SEC22A: variants seen among roughly 807,000 people sequenced by gnomAD.
The protein encoded by SEC22A is SEC22 homolog A, vesicle trafficking protein.
A neutral mutation model predicts 35.3 loss-of-function variants in SEC22A; 22 were observed. The observed-to-expected ratio is 0.62, with a 90% confidence interval of 0.45 to 0.89. The LOEUF (loss-of-function observed/expected upper bound fraction) is 0.89, where lower values mean the gene tolerates loss of function less well. SEC22A is among the 40% of genes least tolerant of loss of function. SEC22A has a pLI of 0.00. For synonymous variants in SEC22A, 119 were observed against 129.5 expected (o/e 0.92, Z 0.55); for missense variants, 354 against 362.5 (o/e 0.98, Z 0.19).
chr3:123,204,127 A>G (rs1292052780), intron 1 of SEC22A, among the ~76,000 whole-genome samples: 1 of 152,230 alleles, frequency 6.6e-6, no homozygotes, highest in Non-Finnish European at 1.5e-5. Flanking sequence ...AGATAATTTG[A>G]TAAGCAAATG....
chr3:123,223,972 AT>A (rs1937175912), intron 3 of SEC22A, among the ~76,000 whole-genome samples: 1 of 152,230 alleles, frequency 6.6e-6, no homozygotes, highest in Admixed American at 6.5e-5. Flanking sequence ...TCAATGAGAA[AT>A]TTATAAGCCA....
intron 5 of SEC22A, among the ~76,000 whole-genome samples, chr3:123,250,212 C>T (rs569859047): frequency 6.6e-6 from 1 of 152,176 alleles, no homozygotes; most frequent in East Asian, 2.0e-4. Flanking sequence ...GAGCTCGAGA[C>T]CATCCTGGCC....
chr3:123,223,613 A>C lies in SEC22A; in HGVS notation c.237A>C (p.Pro79=). 1.2e-6 allele frequency: 2 copies of C among 1,613,714 alleles called. No individual in the cohort carries two copies. The highest frequency in any genetic ancestry group is 1.7e-6 in the Non-Finnish European group (2 of 1,179,710). Residue 79 remains proline (P), a synonymous_variant, in exon 3 of 7, where the codon CCA becomes CCC. Transcript: ENST00000492595. ...TGATGTTGTGCACTGAAAATTACCC[A>C]AATGTTCTCGCCTTCTCTTTCCTGG... ...SYMMLCTENY[P]NVLAFSFLDE...
chr3:123,216,443 A>G (rs1279746500), intron 2 of SEC22A, among the ~76,000 whole-genome samples: 1 of 152,218 alleles, frequency 6.6e-6, no homozygotes, highest in African/African-American at 2.4e-5. Context: ...ATGATCTCAG[A>G]TTCTCCTTTA....
chr3:123,202,330 A>C (rs1363963533), intron 1 of SEC22A, among the ~76,000 whole-genome samples: 1 of 152,176 alleles, frequency 6.6e-6, no homozygotes, highest in Non-Finnish European at 1.5e-5. Flanking sequence ...GGCTGTCAGC[A>C]TGGTGGTGGG....
intron 6 of SEC22A, among the ~76,000 whole-genome samples, chr3:123,267,055 G>T (rs1459882469): frequency 2.0e-5 from 3 of 151,816 alleles, no homozygotes; most frequent in Non-Finnish European, 2.9e-5. Flanking sequence ...ATATTTATCT[G>T]GTATCAATAT....
At chr3:123,220,892 A>ATATATATATATATATATG (rs1937111465) in intron 2 of SEC22A, among the ~76,000 whole-genome samples, 1 of 144,832 alleles carries the variant, frequency 6.9e-6, no homozygotes. Context: ...ATATATATAT[A>ATATATATATATATATATG]TATATGTCAC....
chr3:123,259,385 G>T, intron 5 of SEC22A, 139 bp from the exon 6 acceptor site: 1 of 619,540 alleles, frequency 1.6e-6, no homozygotes, highest in Non-Finnish European at 2.9e-6. Context: ...TTTCATTTTA[G>T]GACTCTTGAG....
chr3:123,209,170 T>C (rs1457665800), intron 1 of SEC22A, 29 bp from the exon 2 acceptor site: 1 of 1,580,464 alleles, frequency 6.3e-7, no homozygotes, highest in East Asian at 2.2e-5. Context: ...TTAATTTTTA[T>C]GTAACCCAAA....
At chr3:123,224,566 CAGT>C (rs1937187550) in intron 3 of SEC22A, among the ~76,000 whole-genome samples, 1 of 152,104 alleles carries the variant, frequency 6.6e-6, no homozygotes, top group Admixed American at 6.6e-5. Flanking sequence ...GAGGCCGAGG[CAGT>C]AGGATCACTT....
At chr3:123,254,206 G>A (rs947108356) in intron 5 of SEC22A, among the ~76,000 whole-genome samples, 1 of 151,322 alleles carries the variant, frequency 6.6e-6, no homozygotes, top group African/African-American at 2.4e-5. Flanking sequence ...TTTTCTTAAA[G>A]AGACAGGGTC....
chr3:123,217,766 T>A (rs1477483037), intron 2 of SEC22A, among the ~76,000 whole-genome samples: 1 of 152,236 alleles, frequency 6.6e-6, no homozygotes, highest in African/African-American at 2.4e-5. Flanking sequence ...TCATTTAGCA[T>A]GCTACATTTT....
At chr3:123,240,160 G>A (rs1487563220) in intron 4 of SEC22A, among the ~76,000 whole-genome samples, 1 of 152,106 alleles carries the variant, frequency 6.6e-6, no homozygotes, top group Non-Finnish European at 1.5e-5. Context: ...GCTATCCCTG[G>A]GAGAGGCAGT....
In SEC22A at chr3:123,254,004, GA is replaced by G. The variant is rs1404435642; in HGVS notation, c.658-5517del. Among the ~76,000 whole-genome samples the G allele has an allele frequency of 1.2e-4, 18 of 151,890 alleles. No individual in the cohort carries two copies. The East Asian group carries it at 2.3e-3, about 20-fold the overall frequency. ...TAAAAATAACAAAAAAGAGTTGGGG[GA>G]AATGTATAAAGAATAAAATAAAAAT... On this transcript the variant is annotated intron_variant, in intron 5 of 6. Transcript: ENST00000492595.
intron 5 of SEC22A, among the ~76,000 whole-genome samples, chr3:123,252,113 G>C (rs894851646): frequency 6.6e-6 from 1 of 152,094 alleles, no homozygotes; most frequent in African/African-American, 2.4e-5. Flanking sequence ...GGGAACCTGA[G>C]GTCTCTTACT....
In SEC22A at chr3:123,202,001, C is replaced by G. The variant is rs1382562824; in HGVS notation, c.-20+15C>G. Reference sequence around the variant, plus strand: ...CGTCTCGACAGGTACTCCCCGGCCCCTCCCAGTCCTCTTCTTCCTTTCTTA... The same window carrying G: ...CGTCTCGACAGGTACTCCCCGGCCCGTCCCAGTCCTCTTCTTCCTTTCTTA... On this transcript the variant is annotated intron_variant, in intron 1 of 6. Coordinates refer to ENST00000492595, the MANE Select transcript of SEC22A (RefSeq NM_012430.5). The G allele has an allele frequency of 6.5e-6, 1 of 152,870 alleles. No homozygotes were observed. Among genetic ancestry groups the G allele is most frequent in the Non-Finnish European group, 1.5e-5 (1 of 68,240 alleles). The allele number at this position is 152,870 out of a possible 1,614,324, so 9.5% of individuals were successfully genotyped here.
At chr3:123,251,755 A>C (rs539755987) in intron 5 of SEC22A, among the ~76,000 whole-genome samples, 1 of 152,322 alleles carries the variant, frequency 6.6e-6, no homozygotes, top group South Asian at 2.1e-4. Context: ...CAAAAGTAGA[A>C]ACTCCCATTG....
intron 6 of SEC22A, among the ~76,000 whole-genome samples, chr3:123,271,192 G>A (rs1218686024): frequency 6.6e-6 from 1 of 152,154 alleles, no homozygotes; most frequent in East Asian, 1.9e-4. Flanking sequence ...CGCAGACCCT[G>A]GGAATGCTTC....
intron 1 of SEC22A, among the ~76,000 whole-genome samples, chr3:123,206,049 G>T (rs201544923): frequency 6.6e-6 from 1 of 152,184 alleles, no homozygotes; most frequent in East Asian, 1.9e-4. Flanking sequence ...TATTAATGAA[G>T]TCTATTCATA....
Sources: gnomAD v4.1 joint callset for allele counts (sites outside exome capture counted in the v4.1 genomes callset) on GRCh38, gnomAD v4.1.1 for gene constraint, MANE v1.5 for transcripts, NCBI Gene and HGNC (gene_info 2026-07-23, HGNC 2026-07-21) for gene names.